GOLPH3L: variants seen among roughly 807,000 people sequenced by gnomAD.
GOLPH3L encodes the protein Golgi phosphoprotein 3-like.
In GOLPH3L, 22 loss-of-function variants were observed where a neutral mutation model predicts 30.3. The ratio of observed to expected loss-of-function variants is 0.73; its 90% CI spans 0.52 to 1.04. The LOEUF is 1.04. GOLPH3L is among the 50% of genes least tolerant of loss of function. The pLI is 0.00. For missense variants in GOLPH3L, 303 were observed against 345.8 expected, an observed-to-expected ratio of 0.88 and a Z score of 0.98; for synonymous variants, 120 against 128.2, an observed-to-expected ratio of 0.94 and a Z score of 0.43.
chr1:150,693,847 A>ATTTTGTTTTTT (rs1651276036), intron 2 of GOLPH3L, among the ~76,000 whole-genome samples: 1 of 27,206 alleles, frequency 3.7e-5, no homozygotes, highest in Non-Finnish European at 6.2e-5. Context: ...ATATATATAT[A>ATTTTGTTTTTT]TTTTTTTTTT....
At chr1:150,650,130 G>A (rs769160934) in intron 4 of GOLPH3L, among the ~76,000 whole-genome samples, 40 of 152,222 alleles carry the variant, frequency 2.6e-4, no homozygotes, top group Middle Eastern at 3.4e-3. Context: ...GGGGCAAAAT[G>A]TAAACTCCCT....
intron 4 of GOLPH3L, among the ~76,000 whole-genome samples, chr1:150,659,500 G>A (rs886669992): frequency 2.0e-5 from 3 of 152,086 alleles, no homozygotes; most frequent in Admixed American, 1.3e-4. Flanking sequence ...CCTTTATTTC[G>A]GCCCATCCCT....
chr1:150,653,177 A>C (rs587743724), intron 4 of GOLPH3L, among the ~76,000 whole-genome samples: 1 of 142,226 alleles, frequency 7.0e-6, no homozygotes, highest in African/African-American at 2.6e-5. Flanking sequence ...CAAAAAAACA[A>C]AAAAAAAAAA....
In GOLPH3L at chr1:150,661,887, C is replaced by T. The variant is rs1413150900; in HGVS notation, c.357G>A (p.Leu119=). ...KSDSPTGDVL[L]DETLKHIKAT... ...CTTTGATGTGTTTCAGAGTTTCATC[C>T]AGTAAAACATCACCTGTTGGGCTGT... Residue 119 remains leucine (L), a synonymous_variant, in exon 4 of 5, where the codon CTG becomes CTA. Transcript: ENST00000271732. 6.3e-7 allele frequency: 1 copy of T among 1,598,740 alleles called. No homozygotes were observed. Among genetic ancestry groups the T allele is most frequent in the Non-Finnish European group, 8.6e-7 (1 of 1,165,928 alleles).
At position 150,665,849 on chromosome 1, in the gene GOLPH3L, C is replaced by T. The variant is rs12145440; in HGVS notation, c.184-2086G>A. Among the ~76,000 whole-genome samples the T allele has an allele frequency of 2.7e-3, 416 of 152,244 alleles. 1 individual carries two copies. The highest frequency in any genetic ancestry group is 4.0e-3 in the Non-Finnish European group (269 of 68,018). On this transcript the variant is annotated intron_variant, in intron 2 of 4. Transcript: ENST00000271732. ...AAGTAGAATTTCCTTAAGTGAAAGT[C>T]TGTTGGAGGCAGTTTCTATTTTGCT... is the stretch of plus-strand genomic sequence containing the variant.
chr1:150,660,010 G>C (rs587675485), intron 4 of GOLPH3L, among the ~76,000 whole-genome samples: 35 of 151,916 alleles, frequency 2.3e-4, no homozygotes, highest in Non-Finnish European at 3.5e-4. Context: ...CTCCATCCTG[G>C]GTGACAGAGT....
chr1:150,671,532 C>T (rs776090643), intron 2 of GOLPH3L, among the ~76,000 whole-genome samples: 10 of 151,428 alleles, frequency 6.6e-5, no homozygotes, highest in African/African-American at 2.4e-4. Flanking sequence ...AAGGGCCGGG[C>T]GCGGTGGCTC....
intron 2 of GOLPH3L, among the ~76,000 whole-genome samples, chr1:150,676,582 T>C (rs1484444037): frequency 6.6e-6 from 1 of 152,100 alleles, no homozygotes; most frequent in Non-Finnish European, 1.5e-5. Context: ...AGTTGCTTTG[T>C]TTGAATCTGG....
chr1:150,672,556 G>A (rs1458602469), intron 2 of GOLPH3L, among the ~76,000 whole-genome samples: 3 of 152,012 alleles, frequency 2.0e-5, no homozygotes, highest in Non-Finnish European at 4.4e-5. Flanking sequence ...TCAGCCTCCC[G>A]AGTAGCTGGG....
At chr1:150,675,323 A>G (rs1320901004) in intron 2 of GOLPH3L, among the ~76,000 whole-genome samples, 1 of 151,982 alleles carries the variant, frequency 6.6e-6, no homozygotes, top group Non-Finnish European at 1.5e-5. Context: ...TACACATTGT[A>G]GAAAATTTGA....
rs115323318 is a variant in GOLPH3L, at chr1:150,691,103, G to A, written c.183+3553C>T. ...GAGATCAGGAGTTCAAGACTAGCCTGGCTAACATGCTGAAAACCCTTCCCT... is the reference window on the plus strand; with the variant it reads ...GAGATCAGGAGTTCAAGACTAGCCTAGCTAACATGCTGAAAACCCTTCCCT... On this transcript the variant is annotated intron_variant, in intron 2 of 4. Transcript: ENST00000271732. Among the ~76,000 whole-genome samples the A allele has an allele frequency of 5.2e-3, 784 of 151,470 alleles. 5 individuals carry two copies. Among genetic ancestry groups the A allele is most frequent in the African/African-American group, 0.018 (739 of 41,264 alleles).
intron 2 of GOLPH3L, among the ~76,000 whole-genome samples, chr1:150,675,058 T>A (rs1389942795): frequency 5.3e-5 from 8 of 151,888 alleles, no homozygotes; most frequent in Admixed American, 2.6e-4. Flanking sequence ...AAAAAAAAAA[T>A]TTGTAGCAAT....
chr1:150,693,797 A>ATGTG lies in GOLPH3L; in HGVS notation c.183+855_183+858dup, dbSNP rs796936730. The stretch of plus-strand genomic sequence containing the variant: ...TAAAATAATCCTCAATTGTTTATGT[A>ATGTG]TGTGTGTGTGTGTGTGTGTGTGTAT... On this transcript the variant is annotated intron_variant, in intron 2 of 4. Transcript: ENST00000271732. Among the ~76,000 whole-genome samples, 356 of 60,930 alleles carry ATGTG rather than the reference A, an allele frequency of 5.8e-3. 4 individuals are homozygous for ATGTG. Among genetic ancestry groups the ATGTG allele is most frequent in the African/African-American group, 0.02 (234 of 11,458 alleles). 40.0% of individuals were successfully genotyped at this position (60,930 alleles called of 152,430 possible).
In GOLPH3L at chr1:150,663,661, T is replaced by G; in HGVS notation, c.286A>C (p.Met96Leu). Residue 96 changes from methionine (M) to leucine (L), a missense_variant, in exon 3 of 5, where the codon ATG (methionine) becomes CTG (leucine). Met to Leu is a conservative substitution (Grantham distance 15, BLOSUM62 2). Coordinates refer to ENST00000271732, the MANE Select transcript of GOLPH3L (RefSeq NM_018178.6). Reference protein sequence around the residue: ...RGRIYLEPPTMRKKRLLDRKV... With the variant: ...RGRIYLEPPTLRKKRLLDRKV... The stretch of plus-strand genomic sequence containing the variant: ...CTGTCTAGTAGTCGCTTCTTACGCA[T>G]GGTCGGGGGTTCCAGATAGATTCGA... The G allele has an allele frequency of 6.2e-7, 1 of 1,613,790 alleles. No individual in the cohort carries two copies. The highest frequency in any genetic ancestry group is 8.5e-7 in the Non-Finnish European group (1 of 1,179,774).
At chr1:150,673,020 T>G (rs1415365283) in intron 2 of GOLPH3L, among the ~76,000 whole-genome samples, 1 of 151,914 alleles carries the variant, frequency 6.6e-6, no homozygotes, top group Non-Finnish European at 1.5e-5. Context: ...TATCAAAAGT[T>G]TAGCAAATAA....
At position 150,663,892 on chromosome 1, in the gene GOLPH3L, G is replaced by A. The variant is rs1571040089; in HGVS notation, c.184-129C>T. ...ATACTACATGAACTCAAAGTATAGAGTAAGAGGATGTTTCTTTAATCCTCT... is the reference window on the plus strand; with the variant it reads ...ATACTACATGAACTCAAAGTATAGAATAAGAGGATGTTTCTTTAATCCTCT... On this transcript the variant is annotated intron_variant, in intron 2 of 4. Coordinates refer to ENST00000271732, the MANE Select transcript of GOLPH3L (RefSeq NM_018178.6). 2.3e-5 allele frequency: 14 copies of A among 610,464 alleles called. No individual in the cohort carries two copies. The East Asian group carries it at 4.1e-4, about 18-fold the overall frequency. The allele number at this position is 610,464 out of a possible 1,614,324, so 37.8% of individuals were successfully genotyped here. A position where few individuals can be genotyped will look rare whatever the true frequency, so the allele number is the denominator to read the frequency against.
intron 1 of GOLPH3L, among the ~76,000 whole-genome samples, chr1:150,696,255 C>G (rs1414447158): frequency 6.6e-6 from 1 of 152,102 alleles, no homozygotes; most frequent in Non-Finnish European, 1.5e-5. Context: ...GGTCTTCACC[C>G]TTTTCTCTTC....
intron 4 of GOLPH3L, among the ~76,000 whole-genome samples, chr1:150,653,175 CAA>C (rs757485843): frequency 5.2e-5 from 4 of 76,250 alleles, no homozygotes; most frequent in Admixed American, 1.3e-4. Flanking sequence ...GCCAAAAAAA[CAA>C]AAAAAAAAAA....
chr1:150,677,409 T>C (rs774191148), intron 2 of GOLPH3L, among the ~76,000 whole-genome samples: 26 of 151,968 alleles, frequency 1.7e-4, no homozygotes, highest in Middle Eastern at 3.4e-3. Flanking sequence ...GCTAAGTTTT[T>C]GTATTTTTAG....
Sources: gnomAD v4.1 joint callset for allele counts (sites outside exome capture counted in the v4.1 genomes callset) on GRCh38, gnomAD v4.1.1 for gene constraint, MANE v1.5 for transcripts, NCBI Gene and HGNC (gene_info 2026-07-23, HGNC 2026-07-21) for gene names.